Variants in SKAP1 observed in about 807,000 individuals in gnomAD.
SKAP1 encodes src kinase associated phosphoprotein 1.
A neutral mutation model predicts 58.5 loss-of-function variants in SKAP1; 44 were observed. That is an observed-to-expected ratio of 0.75 (90% CI 0.59 to 0.97). The LOEUF is 0.97. Ranked by LOEUF, SKAP1 falls within the 50% of genes least tolerant of loss-of-function variation. SKAP1 has a pLI of 0.00. For missense variants in SKAP1, 390 were observed against 435.2 expected, an observed-to-expected ratio of 0.90 and a Z score of 0.92; for synonymous variants, 127 against 149.7, an observed-to-expected ratio of 0.85 and a Z score of 1.11.
chr17:48,406,612 C>G (rs1396433679), intron 1 of SKAP1, among the ~76,000 whole-genome samples: 1 of 151,970 alleles, frequency 6.6e-6, no homozygotes, highest in East Asian at 1.9e-4. Flanking sequence ...GTCACCCAGG[C>G]TGGAGTGCAG....
At chr17:48,432,428 C>A (rs539176226), upstream of SKAP1, among the ~76,000 whole-genome samples, 9 of 149,708 alleles carry the variant, frequency 6.0e-5, no homozygotes, top group African/African-American at 2.2e-4. Context: ...GACTCCATCT[C>A]AAAAAAAAGA....
intron 2 of SKAP1, among the ~76,000 whole-genome samples, chr17:48,378,566 G>C (rs936609695): frequency 6.6e-6 from 1 of 151,934 alleles, no homozygotes; most frequent in African/African-American, 2.4e-5. Flanking sequence ...GGTCCTCCCC[G>C]GCTCCCGTTC....
chr17:48,424,515 G>A (rs530182342), intron 1 of SKAP1, among the ~76,000 whole-genome samples: 4 of 149,988 alleles, frequency 2.7e-5, no homozygotes, highest in South Asian at 2.2e-4. Context: ...GTGAGCCACC[G>A]CGCCCGGCCC....
chr17:48,421,416 G>A (rs185695476), intron 1 of SKAP1, among the ~76,000 whole-genome samples: 22 of 149,700 alleles, frequency 1.5e-4, no homozygotes, highest in African/African-American at 4.7e-4. Context: ...TGATTCTCCC[G>A]CCTCAGCCTC....
intron 3 of SKAP1, among the ~76,000 whole-genome samples, chr17:48,354,064 G>A (rs2066843050): frequency 1.3e-5 from 2 of 152,108 alleles, no homozygotes; most frequent in Non-Finnish European, 2.9e-5. Flanking sequence ...ATAATACATA[G>A]TAAAGAATGG....
intron 11 of SKAP1, among the ~76,000 whole-genome samples, chr17:48,149,348 A>G (rs1448388170): frequency 6.6e-6 from 1 of 152,194 alleles, no homozygotes; most frequent in African/African-American, 2.4e-5. Context: ...GTTTTGGAGA[A>G]AGAGGGATGA....
At chr17:48,405,104 T>G (rs1290346659) in intron 1 of SKAP1, among the ~76,000 whole-genome samples, 1 of 152,172 alleles carries the variant, frequency 6.6e-6, no homozygotes, top group Non-Finnish European at 1.5e-5. Context: ...AAAAACATTT[T>G]AATGTTACTA....
intron 4 of SKAP1, among the ~76,000 whole-genome samples, chr17:48,201,635 A>T (rs1452185960): frequency 6.6e-6 from 1 of 152,046 alleles, no homozygotes; most frequent in African/African-American, 2.4e-5. Flanking sequence ...TTCTGGTCTC[A>T]AGCAATCTTT....
chr17:48,337,644 A>G (rs2144294264), intron 4 of SKAP1, among the ~76,000 whole-genome samples: 1 of 152,350 alleles, frequency 6.6e-6, no homozygotes, highest in South Asian at 2.1e-4. Context: ...AATGCACGTT[A>G]TTCATAACTA....
intron 4 of SKAP1, among the ~76,000 whole-genome samples, chr17:48,214,930 G>GTAAAA (rs58154261): frequency 0.17 from 22,138 of 126,756 alleles, 2,171 homozygotes; most frequent in East Asian, 0.24. Flanking sequence ...TCAAAATAAA[G>GTAAAA]TAAAATAAAA....
intron 1 of SKAP1, among the ~76,000 whole-genome samples, chr17:48,423,697 A>G (rs2067821925): frequency 6.6e-6 from 1 of 152,232 alleles, no homozygotes; most frequent in Non-Finnish European, 1.5e-5. Context: ...ATAGCGTTCA[A>G]GGATGAAAAA....
chr17:48,405,437 CTTTCTTTCTTTCTTTT>C (rs2067564400), intron 1 of SKAP1, among the ~76,000 whole-genome samples: 6 of 80,094 alleles, frequency 7.5e-5, no homozygotes, highest in African/African-American at 2.9e-4. Context: ...TTCTTTCTTT[CTTTCTTTCTTTCTTTT>C]CTTTCTTTCT....
intron 4 of SKAP1, among the ~76,000 whole-genome samples, chr17:48,192,169 A>G (rs1475705607): frequency 7.6e-6 from 1 of 131,362 alleles, no homozygotes; most frequent in Admixed American, 8.3e-5. Flanking sequence ...ACAGAGCGAG[A>G]CTCTGCCTCT....
At position 48,184,809 on chromosome 17, in the gene SKAP1, C is replaced by T. The variant is rs2278868; in HGVS notation, c.481G>A (p.Gly161Ser). The change falls in exon 7 of 13, where the codon GGT (glycine) becomes AGT (serine). Residue 161 changes from glycine (G) to serine (S), a missense_variant. By Grantham distance (56) the Gly-to-Ser change is moderately conservative (BLOSUM62 0). Transcript: ENST00000336915. ...PKGTFLIKGY[G>S]VRMAPHLRRD... ...CGCAGGTGGGGGGCCATCCGTACAC[C>T]GTAGCCCTTAATGAGGAAGGTCCCT... The T allele has an allele frequency of 0.61, 983,822 of 1,613,196 alleles. 304,030 individuals are homozygous for T. The highest frequency in any genetic ancestry group is 0.77 in the East Asian group (34,744 of 44,838).
intron 8 of SKAP1, among the ~76,000 whole-genome samples, chr17:48,181,880 C>T (rs976848989): frequency 6.6e-6 from 1 of 152,174 alleles, no homozygotes; most frequent in Non-Finnish European, 1.5e-5. Flanking sequence ...TCAGGCAGGA[C>T]TCTTCCCATC....
chr17:48,185,617 T>C (rs1348813802), intron 6 of SKAP1, among the ~76,000 whole-genome samples: 1 of 152,128 alleles, frequency 6.6e-6, no homozygotes, highest in Non-Finnish European at 1.5e-5. Context: ...CCACAGTGTC[T>C]GGGATGCTTT....
At chr17:48,194,457 G>A (rs996419504) in intron 4 of SKAP1, among the ~76,000 whole-genome samples, 5 of 152,094 alleles carry the variant, frequency 3.3e-5, no homozygotes, top group Non-Finnish European at 5.9e-5. Context: ...AAAAAGACAC[G>A]AGAGCTTATG....
upstream of SKAP1, among the ~76,000 whole-genome samples, chr17:48,434,497 A>G (rs2067931571): frequency 6.6e-6 from 1 of 152,148 alleles, no homozygotes; most frequent in South Asian, 2.1e-4. Flanking sequence ...TACACTTCCA[A>G]TGGTCTCCCC....
At chr17:48,292,585 A>G (rs888683766) in intron 4 of SKAP1, among the ~76,000 whole-genome samples, 2 of 152,218 alleles carry the variant, frequency 1.3e-5, no homozygotes, top group Non-Finnish European at 2.9e-5. Flanking sequence ...AGATTATTAA[A>G]TAATTACCTT....
Sources: allele counts gnomAD v4.1 joint callset (sites outside exome capture counted in the v4.1 genomes callset), GRCh38; gene constraint gnomAD v4.1.1; transcripts MANE v1.5; gene names NCBI Gene and HGNC (gene_info 2026-07-23, HGNC 2026-07-21).